GHSR: variants seen among roughly 807,000 people sequenced by gnomAD.
GHSR encodes the protein growth hormone secretagogue receptor type 1.
GHSR carries 17 observed loss-of-function variants against 24.0 expected under a neutral mutation model. The observed-to-expected ratio is 0.71, with a 90% CI of 0.49 to 1.06. The LOEUF (loss-of-function observed/expected upper bound fraction) is 1.06. Ranked by LOEUF, GHSR falls within the 50% of genes least tolerant of loss-of-function variation. The pLI, the probability that GHSR is intolerant of heterozygous loss-of-function variation, is 0.00. For missense variants in GHSR, 504 were observed against 483.1 expected, an observed-to-expected ratio of 1.04 and a Z score of -0.41; for synonymous variants, 238 against 208.1, an observed-to-expected ratio of 1.14 and a Z score of -1.24.
chr3:172,445,426 A>C lies in GHSR; in HGVS notation c.836T>G (p.Phe279Cys). 6.2e-7 allele frequency: 1 copy of C among 1,613,668 alleles called. No homozygotes were observed. The highest frequency in any genetic ancestry group is 8.5e-7 in the Non-Finnish European group (1 of 1,180,012). ...VFAFILCWLP[F>C]HVGRYLFSKS... ...GGAAAATAAATATCGCCCTACGTGG[A>C]AGGGGAGCCAGCAGAGGATGAAGGC... Residue 279 changes from phenylalanine to cysteine, a missense_variant, in exon 2 of 2, where the codon TTC (phenylalanine) becomes TGC (cysteine). By Grantham distance (205) the Phe-to-Cys change is radical. Coordinates refer to ENST00000241256, the MANE Select transcript of GHSR (RefSeq NM_198407.2).
Position 172,448,328 on chromosome 3 carries a change from G to C in GHSR, c.86C>G (p.Ser29Trp). Residue 29 changes from serine (S) to tryptophan (W), a missense_variant, in exon 1 of 2, where the codon TCG becomes TGG. Physicochemically the swap from Ser to Trp is radical, Grantham distance 177. Transcript: ENST00000241256. The surrounding 1 kb of genome is among the most constrained non-coding windows in gnomAD (Gnocchi z 4.8). ...GAGCTGCAGCAGCTCGTCGCCCAGC[G>C]AGTCGTTGCCGGGGGAAGCATCCCA... is the stretch of plus-strand genomic sequence containing the variant. ...LDWDASPGND[S>W]LGDELLQLFP... 1 of 1,606,990 alleles carries C rather than the reference G, an allele frequency of 6.2e-7. No homozygotes were observed. Among genetic ancestry groups the C allele is most frequent in the Non-Finnish European group, 8.5e-7 (1 of 1,179,810 alleles).
In GHSR at chr3:172,448,263, C is replaced by T; in HGVS notation, c.151G>A (p.Val51Met). The T allele has an allele frequency of 6.2e-7, 1 of 1,613,478 alleles. No individual in the cohort carries two copies. The highest frequency in any genetic ancestry group is 1.1e-5 in the South Asian group (1 of 91,076). ...PLLAGVTATC[V>M]ALFVVGIAGN... is the part of the protein sequence containing the mutation. ...GCGATGCCCACCACGAAGAGTGCCA[C>T]GCAGGTGGCTGTGACGCCCGCCAGC... Residue 51 changes from valine (V) to methionine (M), a missense_variant, in exon 1 of 2, where the codon GTG becomes ATG. Physicochemically the swap from Val to Met is conservative, Grantham distance 21. Coordinates refer to ENST00000241256, the MANE Select transcript of GHSR (RefSeq NM_198407.2). This position sits in a 1 kb window ranked among gnomAD's most constrained non-coding sequence, Gnocchi z 4.8.
Position 172,448,172 on chromosome 3 carries a change from T to C in GHSR, c.242A>G (p.Tyr81Cys). Residue 81 changes from tyrosine to cysteine, a missense_variant, in exon 1 of 2, where the codon TAC becomes TGC. By Grantham distance (194) the Tyr-to-Cys change is radical. Transcript: ENST00000241256. This position sits in a 1 kb window ranked among gnomAD's most constrained non-coding sequence, Gnocchi z 4.8. ...FRELRTTTNL[Y>C]LSSMAFSDLL... is the part of the protein sequence containing the mutation. ...ATCGGAGAAGGCCATGCTGGACAGG[T>C]AGAGGTTGGTGGTGGTGCGCAGCTC... 1.9e-6 allele frequency: 3 copies of C among 1,613,664 alleles called. No homozygotes were observed. In the South Asian group the frequency reaches 3.3e-5, roughly 18 times the overall value.
chr3:172,443,360 T>C lies in GHSR; in HGVS notation c.*1801A>G, dbSNP rs572857603. On this transcript the variant is annotated 3_prime_UTR_variant, in exon 2 of 2. Transcript: ENST00000241256. ...GCTAGTGTTCTGTATTTAGACCACA[T>C]TGGTGGTGCAGTTTTAGTGTCAGAA... Among the ~76,000 whole-genome samples the C allele has an allele frequency of 6.6e-6, 1 of 152,224 alleles. No homozygotes were observed. The highest frequency in any genetic ancestry group is 6.5e-5 in the Admixed American group (1 of 15,296).
At chr3:172,447,320 G>A (rs9868459) in intron 1 of GHSR, among the ~76,000 whole-genome samples, 6,289 of 152,178 alleles carry the variant, frequency 0.041, 220 homozygotes, top group African/African-American at 0.086. Flanking sequence ...AGAGAAAGGA[G>A]AGACAGGAAG....
rs766495914 is a variant in GHSR at position 172,448,089 on chromosome 3, A to G, written c.325T>C (p.Trp109Arg). Residue 109 changes from tryptophan (W) to arginine (R), a missense_variant, in exon 1 of 2, where the codon TGG becomes CGG. Coordinates refer to ENST00000241256, the MANE Select transcript of GHSR (RefSeq NM_198407.2). This position sits in a 1 kb window ranked among gnomAD's most constrained non-coding sequence, Gnocchi z 4.8. Reference protein sequence around the residue: ...DLVRLWQYRPWNFGDLLCKLF... With the variant: ...DLVRLWQYRPRNFGDLLCKLF... ...TTGCAGAGGAGGTCGCCGAAGTTCC[A>G]GGGCCGGTACTGCCAGAGGCGAACG... 12 of 1,614,098 alleles carry G rather than the reference A, an allele frequency of 7.4e-6. No individual in the cohort carries two copies. In the Admixed American group the frequency reaches 1.8e-4, roughly 25 times the overall value.
chr3:172,445,488 AT>A, intron 1 of GHSR, 23 bp from the exon 2 acceptor site: 1 of 1,602,982 alleles, frequency 6.2e-7, no homozygotes, highest in South Asian at 1.1e-5. Flanking sequence ...TGGGAGAGAG[AT>A]AGTCAGCTCA....
rs778672930 is a variant in GHSR, at chr3:172,445,285, A to C, written c.977T>G (p.Met326Arg). 1.9e-6 allele frequency: 3 copies of C among 1,614,172 alleles called. No homozygotes were observed. Among genetic ancestry groups the C allele is most frequent in the Admixed American group, 3.3e-5 (2 of 60,022 alleles). ...CACTGCCACCCGGTACTTCTTGGACATGATGTTGTACAGAATGGGGTTGAT... is the reference window on the plus strand; with the variant it reads ...CACTGCCACCCGGTACTTCTTGGACCTGATGTTGTACAGAATGGGGTTGAT... ...AAINPILYNI[M>R]SKKYRVAVFR... Residue 326 changes from methionine (M) to arginine (R), a missense_variant, in exon 2 of 2, where the codon ATG becomes AGG. Met to Arg is a moderately conservative substitution (Grantham distance 91, BLOSUM62 -1). Transcript: ENST00000241256.
chr3:172,447,811 G>T lies in GHSR; in HGVS notation c.603C>A (p.Thr201=), dbSNP rs1421773123. ...DPWDTNECRP[T]EFAVRSGLLT... ...GCAGTCCAGAGCGCACCGCAAACTC[G>T]GTGGGGCGGCACTCGTTGGTGTCCC... Residue 201 remains threonine (T), a synonymous_variant, in exon 1 of 2, where the codon ACC becomes ACA. Transcript: ENST00000241256. 1.9e-6 allele frequency: 3 copies of T among 1,613,890 alleles called. No homozygotes were observed. Among genetic ancestry groups the T allele is most frequent in the African/African-American group, 2.7e-5 (2 of 74,918 alleles).
At position 172,444,727 on chromosome 3, in the gene GHSR, A is replaced by G. The variant is rs1737418009; in HGVS notation, c.*434T>C. 6.6e-6 allele frequency among the ~76,000 whole-genome samples: 1 copy of G among 152,218 alleles called. No homozygotes were observed. The highest frequency in any genetic ancestry group is 6.5e-5 in the Admixed American group (1 of 15,278). On this transcript the variant is annotated 3_prime_UTR_variant, in exon 2 of 2. Transcript: ENST00000241256. ...TATTTCTCTTGGATAGCACTGCTCT[A>G]GAGCTTTATGAAAATAGCTAGTTTT...
At chr3:172,445,807 T>C (rs976709142) in intron 1 of GHSR, among the ~76,000 whole-genome samples, 1 of 152,264 alleles carries the variant, frequency 6.6e-6, no homozygotes, top group Non-Finnish European at 1.5e-5. Context: ...GGTAAAGTGG[T>C]TGTACTCAAC....
At position 172,444,639 on chromosome 3, in the gene GHSR, A is replaced by C. The variant is rs1737415225; in HGVS notation, c.*522T>G. ...GCCAGATTTCAAAGACTTAGTGTGA[A>C]AAAAAAGAATGTAAATTCCTTTTTA... On this transcript the variant is annotated 3_prime_UTR_variant, in exon 2 of 2. Coordinates refer to ENST00000241256, the MANE Select transcript of GHSR (RefSeq NM_198407.2). Among the ~76,000 whole-genome samples, 1 of 152,168 alleles carries C rather than the reference A, an allele frequency of 6.6e-6. No homozygotes were observed. The highest frequency in any genetic ancestry group is 2.4e-5 in the African/African-American group (1 of 41,434).
rs1317768457 is a variant in GHSR, at chr3:172,443,790, C to G, written c.*1371G>C. On this transcript the variant is annotated 3_prime_UTR_variant, in exon 2 of 2. Coordinates refer to ENST00000241256, the MANE Select transcript of GHSR (RefSeq NM_198407.2). ...GGTCTGGAAGTCCAAGTAATCATAT[C>G]TATCAGATAAGCAATGGGATATAAG... Among the ~76,000 whole-genome samples, 2 of 152,098 alleles carry G rather than the reference C, an allele frequency of 1.3e-5. No homozygotes were observed. Among genetic ancestry groups the G allele is most frequent in the African/African-American group, 4.8e-5 (2 of 41,418 alleles).
Position 172,444,650 on chromosome 3 carries a change from G to A in GHSR, c.*511C>T, listed in dbSNP as rs1049744872. Among the ~76,000 whole-genome samples the A allele has an allele frequency of 2.0e-5, 3 of 152,116 alleles. No individual in the cohort carries two copies. The highest frequency in any genetic ancestry group is 4.4e-5 in the Non-Finnish European group (3 of 68,032). ...AAGACTTAGTGTGAAAAAAAAGAAT[G>A]TAAATTCCTTTTTAATAATTTTTGT... On this transcript the variant is annotated 3_prime_UTR_variant, in exon 2 of 2. Coordinates refer to ENST00000241256, the MANE Select transcript of GHSR (RefSeq NM_198407.2).
Position 172,448,239 on chromosome 3 carries a change from C to T in GHSR, c.175G>A (p.Ala59Thr), listed in dbSNP as rs966256034. 3 of 1,614,008 alleles carry T rather than the reference C, an allele frequency of 1.9e-6. No individual in the cohort carries two copies. The highest frequency in any genetic ancestry group is 2.5e-6 in the Non-Finnish European group (3 of 1,180,022). Residue 59 changes from alanine (A) to threonine (T), a missense_variant, in exon 1 of 2, where the codon GCT (alanine) becomes ACT (threonine). By Grantham distance (58) the Ala-to-Thr change is moderately conservative (BLOSUM62 0). Transcript: ENST00000241256. The surrounding 1 kb of genome is among the most constrained non-coding windows in gnomAD (Gnocchi z 4.8). ...TCVALFVVGI[A>T]GNLLTMLVVS... ...ACCAGCATGGTGAGCAGGTTGCCAG[C>T]GATGCCCACCACGAAGAGTGCCACG...
Position 172,445,198 on chromosome 3 carries a change from C to A in GHSR, c.1064G>T (p.Ser355Ile), listed in dbSNP as rs370671481. 3 of 1,614,088 alleles carry A rather than the reference C, an allele frequency of 1.9e-6. No homozygotes were observed. Among genetic ancestry groups the A allele is most frequent in the African/African-American group, 1.3e-5 (1 of 75,034 alleles). ...QRKLSTLKDE[S>I]SRAWTESSIN... The stretch of plus-strand genomic sequence containing the variant: ...ACTAGATTCTGTCCAGGCCCGAGAA[C>A]TTTCATCTTTCAGAGTGGAGAGCTT... The change falls in exon 2 of 2, where the codon AGT becomes ATT. Residue 355 changes from serine to isoleucine, a missense_variant. By Grantham distance (142) the Ser-to-Ile change is moderately radical. Coordinates refer to ENST00000241256, the MANE Select transcript of GHSR (RefSeq NM_198407.2).
At chr3:172,445,717 C>T (rs1229012512) in intron 1 of GHSR, among the ~76,000 whole-genome samples, 3 of 152,188 alleles carry the variant, frequency 2.0e-5, no homozygotes, top group Non-Finnish European at 2.9e-5. Context: ...TGAGTTGACA[C>T]ATTGACTCAA....
rs542461021 is a variant in GHSR, at chr3:172,444,164, T to A, written c.*997A>T. Among the ~76,000 whole-genome samples, 1 of 152,312 alleles carries A rather than the reference T, an allele frequency of 6.6e-6. No individual in the cohort carries two copies. Among genetic ancestry groups the A allele is most frequent in the South Asian group, 2.1e-4 (1 of 4,828 alleles). On this transcript the variant is annotated 3_prime_UTR_variant, in exon 2 of 2. Transcript: ENST00000241256. ...ACTCAACTTAATTTAAAAATGTATG[T>A]TACACATTTCATATTCATTCTCTTC...
intron 1 of GHSR, among the ~76,000 whole-genome samples, chr3:172,446,987 A>C (rs577367227): frequency 6.6e-6 from 1 of 152,264 alleles, no homozygotes; most frequent in Non-Finnish European, 1.5e-5. Context: ...AACAGAATTG[A>C]TGCAATTATC....
Sources: allele counts gnomAD v4.1 joint callset (sites outside exome capture counted in the v4.1 genomes callset), GRCh38; gene constraint gnomAD v4.1.1; non-coding constraint Gnocchi (gnomAD v3.1); transcripts MANE v1.5; gene names NCBI Gene and HGNC (gene_info 2026-07-23, HGNC 2026-07-21).